The following DDR2 variants were observed in gnomAD, a reference collection of about 807,000 sequenced individuals.
DDR2 encodes discoidin domain receptor tyrosine kinase 2.
Under a neutral mutation model 94.9 loss-of-function variants are expected in DDR2, and 27 were observed. The observed-to-expected ratio is 0.28, with a 90% CI of 0.21 to 0.39. The LOEUF (loss-of-function observed/expected upper bound fraction) is 0.39. Among genes scored for constraint, DDR2 ranks in the 10% least tolerant of loss-of-function variants. The pLI is 1.00. For missense variants in DDR2, 783 were observed against 1,076.0 expected, an observed-to-expected ratio of 0.73 and a Z score of 3.81; for synonymous variants, 382 against 377.2, an observed-to-expected ratio of 1.01 and a Z score of -0.15.
At chr1:162,673,580 CGT>C (rs1242171816) in intron 2 of DDR2, among the ~76,000 whole-genome samples, 4 of 111,392 alleles carry the variant, frequency 3.6e-5, no homozygotes, top group South Asian at 3.2e-4. Context: ...TCATTATGTG[CGT>C]GTGTGTGTGT....
chr1:162,636,606 TC>T (rs923674272), intron 1 of DDR2, among the ~76,000 whole-genome samples: 3 of 152,184 alleles, frequency 2.0e-5, no homozygotes. Context: ...GAGGCTCTAG[TC>T]CCACCACCAT....
intron 2 of DDR2, among the ~76,000 whole-genome samples, chr1:162,694,937 A>G (rs1660119118): frequency 6.6e-6 from 1 of 152,170 alleles, no homozygotes; most frequent in East Asian, 1.9e-4. Flanking sequence ...ATTTGACTCA[A>G]TCACATGTAA....
intron 9 of DDR2, 25 bp downstream of exon 9, chr1:162,761,479 G>T (rs755947918): frequency 6.2e-7 from 1 of 1,614,010 alleles, no homozygotes; most frequent in African/African-American, 1.3e-5. Flanking sequence ...TCCTCTTTGG[G>T]AAGTGGGAGC....
intron 11 of DDR2, 90 bp downstream of exon 11, chr1:162,767,449 A>G: frequency 6.5e-7 from 1 of 1,537,564 alleles, no homozygotes; most frequent in Non-Finnish European, 8.8e-7. Context: ...CAAATTGCAA[A>G]CATTTATTAA....
At chr1:162,746,012 A>G (rs140505822) in intron 3 of DDR2, among the ~76,000 whole-genome samples, 1 of 152,282 alleles carries the variant, frequency 6.6e-6, no homozygotes, top group East Asian at 1.9e-4. Flanking sequence ...TTTTTGTTAG[A>G]TGGCTGAATA....
rs139585221 is a variant in DDR2 at position 162,776,814 on chromosome 1, T to G, written c.2283+444T>G. Among the ~76,000 whole-genome samples, 513 of 152,292 alleles carry G rather than the reference T, an allele frequency of 3.4e-3. 6 individuals are homozygous for G. The highest frequency in any genetic ancestry group is 0.032 in the East Asian group (166 of 5,184). On this transcript the variant is annotated intron_variant, in intron 16 of 17. Transcript: ENST00000367921. ...CATGTTCTTTTTAAGTTCATCATTCTTTGCTTTATAATTTTTATTTGATTC... is the reference window on the plus strand; with the variant it reads ...CATGTTCTTTTTAAGTTCATCATTCGTTGCTTTATAATTTTTATTTGATTC...
At chr1:162,643,077 G>A (rs1182829476) in intron 1 of DDR2, among the ~76,000 whole-genome samples, 4 of 152,128 alleles carry the variant, frequency 2.6e-5, no homozygotes, top group Non-Finnish European at 5.9e-5. Flanking sequence ...TGTTTTCACA[G>A]TTTAAAGAGG....
In DDR2 at chr1:162,722,095, ACT is replaced by A. The variant is rs570812707; in HGVS notation, c.82+2955_82+2956del. Among the ~76,000 whole-genome samples the A allele has an allele frequency of 3.9e-3, 592 of 152,228 alleles. 3 individuals are homozygous for A. The highest frequency in any genetic ancestry group is 0.013 in the African/African-American group (536 of 41,530). On this transcript the variant is annotated intron_variant, in intron 3 of 17. Coordinates refer to ENST00000367921, the MANE Select transcript of DDR2 (RefSeq NM_006182.4). ...AATAATCTTGTTTACATTTAAAAAA[ACT>A]CTCTAGTATTTGAAATCATAAATGT...
intron 2 of DDR2, among the ~76,000 whole-genome samples, chr1:162,660,134 C>T (rs1005165910): frequency 2.6e-5 from 4 of 152,172 alleles, no homozygotes; most frequent in African/African-American, 9.7e-5. Context: ...GGTTTGGAGT[C>T]TCTCTTCTAG....
chr1:162,638,117 T>C (rs1656928181), intron 1 of DDR2, among the ~76,000 whole-genome samples: 1 of 152,064 alleles, frequency 6.6e-6, no homozygotes, highest in South Asian at 2.1e-4. Context: ...GCCTCCTGGG[T>C]TCAAGTGATT....
intron 2 of DDR2, among the ~76,000 whole-genome samples, chr1:162,688,381 C>T (rs1659794223): frequency 6.6e-6 from 1 of 152,218 alleles, no homozygotes; most frequent in African/African-American, 2.4e-5. Flanking sequence ...GTTAACTCTA[C>T]TTCCTCTCAT....
chr1:162,754,917 G>A, intron 5 of DDR2, 62 bp downstream of exon 5: 1 of 1,593,980 alleles, frequency 6.3e-7, no homozygotes, highest in Non-Finnish European at 8.6e-7. Context: ...TAGGCTAGGA[G>A]AAGAAGGGTA....
chr1:162,708,683 G>A (rs1660763775), intron 2 of DDR2, among the ~76,000 whole-genome samples: 1 of 152,190 alleles, frequency 6.6e-6, no homozygotes, highest in Non-Finnish European at 1.5e-5. Context: ...GAAGCCCAAG[G>A]CACTTTCCCC....
chr1:162,719,236 A>C (rs1661302133), intron 3 of DDR2, 91 bp downstream of exon 3: 2 of 1,599,082 alleles, frequency 1.3e-6, no homozygotes, highest in Admixed American at 1.7e-5. Flanking sequence ...AGCTGCCAAG[A>C]GGGACTACAA....
chr1:162,776,025 A>G, intron 15 of DDR2, 111 bp from the exon 16 acceptor site: 1 of 1,315,476 alleles, frequency 7.6e-7, no homozygotes, highest in East Asian at 2.3e-5. Context: ...AAGAGTAGAG[A>G]AAGAATGTTG....
chr1:162,736,891 G>A (rs1305945558), intron 3 of DDR2, among the ~76,000 whole-genome samples: 1 of 152,218 alleles, frequency 6.6e-6, no homozygotes, highest in Non-Finnish European at 1.5e-5. Context: ...GAACAACAAG[G>A]AGGCCAGTGT....
intron 1 of DDR2, among the ~76,000 whole-genome samples, chr1:162,638,526 A>G (rs1396211752): frequency 6.6e-6 from 1 of 152,216 alleles, no homozygotes; most frequent in Non-Finnish European, 1.5e-5. Flanking sequence ...AATATATGCC[A>G]CTTCCATTTC....
At chr1:162,771,385 T>C (rs1664259540) in intron 12 of DDR2, among the ~76,000 whole-genome samples, 1 of 152,176 alleles carries the variant, frequency 6.6e-6, no homozygotes, top group Non-Finnish European at 1.5e-5. Flanking sequence ...CCTGAAGGGG[T>C]CTTTTCAAAG....
At chr1:162,655,813 C>T (rs1657929515) in intron 2 of DDR2, among the ~76,000 whole-genome samples, 1 of 151,920 alleles carries the variant, frequency 6.6e-6, no homozygotes, top group Admixed American at 6.6e-5. Flanking sequence ...AAGTTGTTTT[C>T]TTCTGGGAAT....
Sources: gnomAD v4.1 joint callset for allele counts (sites outside exome capture counted in the v4.1 genomes callset) on GRCh38, gnomAD v4.1.1 for gene constraint, MANE v1.5 for transcripts, NCBI Gene and HGNC (gene_info 2026-07-23, HGNC 2026-07-21) for gene names.